HIP1R: variants seen among roughly 807,000 people sequenced by gnomAD.
HIP1R encodes huntingtin interacting protein 1 related.
A neutral mutation model predicts 144.2 loss-of-function variants in HIP1R; 135 were observed. The observed-to-expected ratio is 0.94, with a 90% CI of 0.81 to 1.08. The LOEUF (loss-of-function observed/expected upper bound fraction) is 1.08, where lower values mean the gene tolerates loss of function less well. HIP1R is among the 50% of genes least tolerant of loss of function. The pLI is 0.00. For missense variants in HIP1R, 1,462 were observed against 1,432.8 expected, an observed-to-expected ratio of 1.02 and a Z score of -0.33; for synonymous variants, 698 against 612.8, an observed-to-expected ratio of 1.14 and a Z score of -2.05.
At chr12:122,835,198 G>A, upstream of HIP1R, among the ~76,000 whole-genome samples, 1 of 126,224 alleles carries the variant, frequency 7.9e-6, no homozygotes, top group Admixed American at 7.7e-5. Context: ...GGGGGTTGGA[G>A]GTGTGCGGGG....
intron 20 of HIP1R, among the ~76,000 whole-genome samples, 168 bp downstream of exon 20, chr12:122,858,603 A>T (rs1338643751): frequency 2.0e-5 from 3 of 152,200 alleles, no homozygotes; most frequent in Non-Finnish European, 4.4e-5. Flanking sequence ...CCCTGTGGAC[A>T]AATAGGCTTT....
rs897386 is a variant in HIP1R, at chr12:122,856,742, A to C, written c.1620+16A>C. On this transcript the variant is annotated intron_variant, in intron 17 of 31. Coordinates refer to ENST00000253083, the MANE Select transcript of HIP1R (RefSeq NM_003959.3). ...CACAGAGCAGGTGCATCTGGCTTTGATGACTGGAGGTGGGGTTCTGGGGCC... is the reference window on the plus strand; with the variant it reads ...CACAGAGCAGGTGCATCTGGCTTTGCTGACTGGAGGTGGGGTTCTGGGGCC... 1,339,068 of 1,552,548 alleles carry C rather than the reference A, an allele frequency of 0.86. 581,470 individuals are homozygous for C. Among genetic ancestry groups the C allele is most frequent in the Admixed American group, 0.91 (47,510 of 51,954 alleles).
At chr12:122,849,763 G>A (rs1048728554) in intron 4 of HIP1R, 112 bp from the exon 5 acceptor site, 44 of 699,266 alleles carry the variant, frequency 6.3e-5, no homozygotes, top group African/African-American at 6.0e-4. Flanking sequence ...AGGAGAAGAC[G>A]TTTGTTGAAT....
chr12:122,849,793 G>A (rs2033320300), intron 4 of HIP1R, 82 bp from the exon 5 acceptor site: 4 of 906,796 alleles, frequency 4.4e-6, no homozygotes, highest in Non-Finnish European at 7.2e-6. Flanking sequence ...CCCGGTGGTG[G>A]GTCACTCTCG....
intron 1 of HIP1R, among the ~76,000 whole-genome samples, chr12:122,839,263 C>T (rs2032990581): frequency 1.3e-5 from 2 of 152,240 alleles, no homozygotes; most frequent in African/African-American, 4.8e-5. Context: ...TTCTGCTTCA[C>T]TGGGCCTCAG....
chr12:122,843,126 G>A (rs1461258203), intron 1 of HIP1R, among the ~76,000 whole-genome samples: 1 of 152,236 alleles, frequency 6.6e-6, no homozygotes, highest in Non-Finnish European at 1.5e-5. Context: ...GGCCCTTGGG[G>A]AGTGGGGCTC....
intron 1 of HIP1R, 41 bp from the exon 2 acceptor site, chr12:122,847,990 G>T: frequency 6.2e-7 from 1 of 1,604,858 alleles, no homozygotes. Context: ...TCCTGGGGTG[G>T]CTGCCTGGGG....
At chr12:122,860,651 C>A in intron 27 of HIP1R, 28 bp from the exon 28 acceptor site, 1 of 1,598,174 alleles carries the variant, frequency 6.3e-7, no homozygotes, top group Non-Finnish European at 8.6e-7. Context: ...GTCAGAGACC[C>A]TGGCCCTGAC....
intron 1 of HIP1R, among the ~76,000 whole-genome samples, chr12:122,845,426 G>A (rs2033180957): frequency 6.6e-6 from 1 of 152,242 alleles, no homozygotes; most frequent in Non-Finnish European, 1.5e-5. Flanking sequence ...TGCCCGGGAG[G>A]GCCCTGCTGC....
At chr12:122,850,002 T>C in intron 5 of HIP1R, 47 bp downstream of exon 5, 1 of 1,327,520 alleles carries the variant, frequency 7.5e-7, no homozygotes, top group Non-Finnish European at 1.1e-6. Context: ...CGTGGGCTTT[T>C]CCCACTGTGA....
Position 122,847,179 on chromosome 12 carries a change from A to G in HIP1R, c.94-852A>G, listed in dbSNP as rs560298853. ...GAGGTTTAGCAGACCTGTTCCCTGC[A>G]TGAGAAATACCCCATGCCCCACGGA... On this transcript the variant is annotated intron_variant, in intron 1 of 31. Transcript: ENST00000253083. 3.3e-5 allele frequency among the ~76,000 whole-genome samples: 5 copies of G among 151,960 alleles called. No homozygotes were observed. The South Asian group carries it at 1.0e-3, about 32-fold the overall frequency.
At chr12:122,851,101 T>G in intron 6 of HIP1R, 135 bp from the exon 7 acceptor site, 1 of 895,038 alleles carries the variant, frequency 1.1e-6, no homozygotes, top group Non-Finnish European at 1.7e-6. Flanking sequence ...AGGACTGTCG[T>G]CCTGGCAGAG....
intron 24 of HIP1R, 62 bp downstream of exon 24, chr12:122,859,892 T>C (rs1295108709): frequency 1.9e-6 from 3 of 1,545,024 alleles, no homozygotes; most frequent in Admixed American, 1.7e-5. Context: ...CCCCTAAGGT[T>C]CTGCCCCCAA....
chr12:122,842,236 G>A (rs2135634291), intron 1 of HIP1R, among the ~76,000 whole-genome samples: 1 of 152,304 alleles, frequency 6.6e-6, no homozygotes, highest in African/African-American at 2.4e-5. Flanking sequence ...TTTGAAGAAC[G>A]TTCTTGTCCC....
chr12:122,852,707 G>A (rs1313824187), intron 7 of HIP1R, among the ~76,000 whole-genome samples: 1 of 152,196 alleles, frequency 6.6e-6, no homozygotes, highest in Admixed American at 6.5e-5. Flanking sequence ...GCGTCTCGCT[G>A]TCTGTGCAGA....
At position 122,860,028 on chromosome 12, in the gene HIP1R, C is replaced by A; in HGVS notation, c.2466-19C>A. 1.3e-6 allele frequency: 2 copies of A among 1,548,260 alleles called. No individual in the cohort carries two copies. Among genetic ancestry groups the A allele is most frequent in the Non-Finnish European group, 1.7e-6 (2 of 1,147,956 alleles). On this transcript the variant is annotated intron_variant, in intron 24 of 31. Transcript: ENST00000253083. ...CTGCTCTGCAGAGCGGCAGCTAAGTCTCTCCTTCTCTCCCCCAGGATCCTC... is the reference window on the plus strand; with the variant it reads ...CTGCTCTGCAGAGCGGCAGCTAAGTATCTCCTTCTCTCCCCCAGGATCCTC...
Position 122,848,833 on chromosome 12 carries a change from G to A in HIP1R, c.338G>A (p.Arg113Gln), listed in dbSNP as rs182805687. 4.5e-5 allele frequency: 72 copies of A among 1,613,296 alleles called. No homozygotes were observed. In the East Asian group the frequency reaches 1.3e-3, roughly 29 times the overall value. The change falls in exon 4 of 32, where the codon CGG (arginine) becomes CAG (glutamine). Residue 113 changes from arginine (R) to glutamine (Q), a missense_variant. Arg to Gln is a conservative substitution (Grantham distance 43, BLOSUM62 1). Transcript: ENST00000253083. Reference sequence around the variant, plus strand: ...TGCCAGCGGTACCGCAGCAACATCCGGGAGATTGGAGACCTGTGGGTAGGT... The same window carrying A: ...TGCCAGCGGTACCGCAGCAACATCCAGGAGATTGGAGACCTGTGGGTAGGT... ...HDCQRYRSNIREIGDLWGHLH... is the reference protein window; with the variant it reads ...HDCQRYRSNIQEIGDLWGHLH...
In HIP1R at chr12:122,836,363, T is replaced by A. The variant is rs1459653639; in HGVS notation, c.93+720T>A. 2.0e-5 allele frequency among the ~76,000 whole-genome samples: 3 copies of A among 152,144 alleles called. No individual in the cohort carries two copies. Among genetic ancestry groups the A allele is most frequent in the African/African-American group, 7.2e-5 (3 of 41,432 alleles). On this transcript the variant is annotated intron_variant, in intron 1 of 31. Coordinates refer to ENST00000253083, the MANE Select transcript of HIP1R (RefSeq NM_003959.3). This position sits in a 1 kb window ranked among gnomAD's most constrained non-coding sequence, Gnocchi z 4.1. ...AGACAGAAACTTCCTGGGGCTCCCT[T>A]CCTGCGCCTCCCACGCTTGTAACTC...
rs2033783660 is a variant in HIP1R, at chr12:122,861,908, C to A, written c.*155C>A. 3.0e-6 allele frequency: 2 copies of A among 659,436 alleles called. No individual in the cohort carries two copies. The highest frequency in any genetic ancestry group is 3.8e-5 in the South Asian group (2 of 52,028). The allele number at this position is 659,436 out of a possible 1,614,324, so 40.8% of individuals were successfully genotyped here. A position where few individuals can be genotyped will look rare whatever the true frequency, so the allele number is the denominator to read the frequency against. ...TCAAGGCCCCTGGCCCTTACTGAGC[C>A]TGCAGGGTCCTGGGCCATGTGGGTG... On this transcript the variant is annotated 3_prime_UTR_variant, in exon 32 of 32. Transcript: ENST00000253083.
Sources: gnomAD v4.1 joint callset for allele counts (sites outside exome capture counted in the v4.1 genomes callset) on GRCh38, gnomAD v4.1.1 for gene constraint, Gnocchi (gnomAD v3.1) non-coding constraint, MANE v1.5 for transcripts, NCBI Gene and HGNC (gene_info 2026-07-23, HGNC 2026-07-21) for gene names.